Variants in GRM3 observed in about 807,000 individuals in gnomAD.
GRM3 encodes glutamate metabotropic receptor 3, also known as metabotropic glutamate receptor 3.
Under a neutral mutation model 70.5 loss-of-function variants are expected in GRM3, and 26 were observed. That is an observed-to-expected ratio of 0.37 (90% CI 0.27 to 0.51). The LOEUF (loss-of-function observed/expected upper bound fraction) is 0.51. GRM3 is among the 20% of genes least tolerant of loss of function. The pLI is 0.93. For synonymous variants in GRM3, 443 were observed against 434.9 expected, an observed-to-expected ratio of 1.02 and a Z score of -0.23; for missense variants, 859 against 1,123.8, an observed-to-expected ratio of 0.76 and a Z score of 3.37.
intron 1 of GRM3, chr7:86,710,240 A>G (rs1259790413): frequency 6.6e-6 from 1 of 151,916 alleles, no homozygotes; most frequent in Non-Finnish European, 1.5e-5. Context: ...CTTTTCTATG[A>G]ACTCCCTAAC....
rs116865381 is a variant in GRM3, at chr7:86,781,628, A to G, written c.469-4633A>G. ...CCTATTAGTTGTCTAAATTTTGAAA[A>G]GTCACTTCACCCTGTGAGATTGTTT... On this transcript the variant is annotated intron_variant, in intron 2 of 5. Transcript: ENST00000361669. 3.6e-3 allele frequency among the ~76,000 whole-genome samples: 547 copies of G among 152,252 alleles called. 3 individuals are homozygous for G. The highest frequency in any genetic ancestry group is 5.8e-3 in the Non-Finnish European group (392 of 67,990).
chr7:86,776,526 T>C (rs1449614290), intron 2 of GRM3, among the ~76,000 whole-genome samples: 1 of 151,878 alleles, frequency 6.6e-6, no homozygotes, highest in African/African-American at 2.4e-5. Flanking sequence ...TAAATGATAA[T>C]CATTTAAGGA....
intron 1 of GRM3, among the ~76,000 whole-genome samples, chr7:86,731,771 T>C (rs1482580623): frequency 6.6e-6 from 1 of 152,182 alleles, no homozygotes; most frequent in African/African-American, 2.4e-5. Context: ...AGCTGCCCCA[T>C]GAGGAACATA....
At chr7:86,762,294 T>C (rs1322279510) in intron 1 of GRM3, among the ~76,000 whole-genome samples, 3 of 152,248 alleles carry the variant, frequency 2.0e-5, no homozygotes, top group Non-Finnish European at 2.9e-5. Context: ...GAGTTAATAC[T>C]GAGCATTCCA....
chr7:86,665,171 A>T (rs1254791081), intron 1 of GRM3, among the ~76,000 whole-genome samples: 1 of 151,998 alleles, frequency 6.6e-6, no homozygotes, highest in Non-Finnish European at 1.5e-5. Flanking sequence ...ACCAAATTGA[A>T]TATATTTGAG....
At chr7:86,677,918 A>G (rs1584158245) in intron 1 of GRM3, among the ~76,000 whole-genome samples, 1 of 152,116 alleles carries the variant, frequency 6.6e-6, no homozygotes, top group Non-Finnish European at 1.5e-5. Flanking sequence ...ATTCAACACA[A>G]TTTTACTTGT....
At chr7:86,784,078 A>G (rs1048087802) in intron 2 of GRM3, 1 of 152,330 alleles carries the variant, frequency 6.6e-6, no homozygotes, top group East Asian at 1.9e-4. Flanking sequence ...CCCCTTTCCA[A>G]TGCAGAGAAT....
chr7:86,691,350 C>T (rs1018946020), intron 1 of GRM3, among the ~76,000 whole-genome samples: 1 of 150,874 alleles, frequency 6.6e-6, no homozygotes, highest in African/African-American at 2.4e-5. Context: ...CCAAAGTGGG[C>T]TTTTTTTTTA....
intron 3 of GRM3, among the ~76,000 whole-genome samples, chr7:86,803,175 A>G (rs1797719476): frequency 6.6e-6 from 1 of 152,222 alleles, no homozygotes. Flanking sequence ...GAAGACATTT[A>G]TATCTTCATT....
At chr7:86,728,162 G>T (rs996332276) in intron 1 of GRM3, among the ~76,000 whole-genome samples, 2 of 152,058 alleles carry the variant, frequency 1.3e-5, no homozygotes, top group African/African-American at 2.4e-5. Context: ...CTCCATGCCT[G>T]TCTCCCCCAT....
At chr7:86,746,341 T>TTATA (rs59930404) in intron 1 of GRM3, among the ~76,000 whole-genome samples, 2,009 of 87,372 alleles carry the variant, frequency 0.023, 53 homozygotes, top group East Asian at 0.089. Flanking sequence ...CAGTCATGTA[T>TTATA]TATATATATA....
chr7:86,751,439 A>T (rs1196906610), intron 1 of GRM3, among the ~76,000 whole-genome samples: 1 of 152,120 alleles, frequency 6.6e-6, no homozygotes, highest in East Asian at 1.9e-4. Flanking sequence ...AGAACCTACC[A>T]CAGGGCCTGG....
At chr7:86,675,411 A>G (rs1239740395) in intron 1 of GRM3, among the ~76,000 whole-genome samples, 1 of 152,096 alleles carries the variant, frequency 6.6e-6, no homozygotes, top group African/African-American at 2.4e-5. Flanking sequence ...AAGCCTCAAG[A>G]CAGCCAGAAA....
At chr7:86,768,581 T>G (rs1796662102) in intron 2 of GRM3, among the ~76,000 whole-genome samples, 1 of 152,106 alleles carries the variant, frequency 6.6e-6, no homozygotes, top group Admixed American at 6.6e-5. Context: ...GTTTTGAGGA[T>G]GAGTAAGAAT....
intron 5 of GRM3, among the ~76,000 whole-genome samples, chr7:86,855,130 T>A (rs1163854011): frequency 6.6e-6 from 1 of 152,220 alleles, no homozygotes; most frequent in Non-Finnish European, 1.5e-5. Context: ...AGAGGTCATT[T>A]TTATTCTCTT....
intron 3 of GRM3, among the ~76,000 whole-genome samples, chr7:86,817,305 CA>C (rs1272178952): frequency 1.3e-5 from 2 of 151,874 alleles, no homozygotes; most frequent in African/African-American, 4.8e-5. Flanking sequence ...GAAAGTTAAG[CA>C]AAAACACCAT....
intron 3 of GRM3, among the ~76,000 whole-genome samples, chr7:86,837,854 C>G (rs1452614178): frequency 1.3e-5 from 2 of 152,166 alleles, no homozygotes; most frequent in Non-Finnish European, 2.9e-5. Flanking sequence ...ACATAGGTAT[C>G]AGCAACATTT....
chr7:86,708,770 C>T (rs1795116770), intron 1 of GRM3, among the ~76,000 whole-genome samples: 1 of 152,014 alleles, frequency 6.6e-6, no homozygotes, highest in Non-Finnish European at 1.5e-5. Context: ...ATTAGAGAGC[C>T]CTCCTGACCA....
intron 3 of GRM3, among the ~76,000 whole-genome samples, chr7:86,830,332 A>G (rs769654056): frequency 2.0e-5 from 3 of 152,208 alleles, no homozygotes; most frequent in Non-Finnish European, 2.9e-5. Context: ...CCTCAGCAGT[A>G]ACTTGGTCAC....
Sources: gnomAD v4.1 joint callset for allele counts (sites outside exome capture counted in the v4.1 genomes callset) on GRCh38, gnomAD v4.1.1 for gene constraint, MANE v1.5 for transcripts, NCBI Gene and HGNC (gene_info 2026-07-23, HGNC 2026-07-21) for gene names.